Variants in DPYD observed in about 807,000 individuals in gnomAD.
DPYD encodes dihydropyrimidine dehydrogenase [NADP(+)].
A neutral mutation model predicts 116.2 loss-of-function variants in DPYD; 109 were observed. That is an observed-to-expected ratio of 0.94 (90% CI 0.80 to 1.10). The LOEUF is 1.10. DPYD is among the 50% of genes least tolerant of loss of function. The probability of loss-of-function intolerance (pLI) is 0.00; values close to 1 mark genes in which losing one functional copy is unlikely to be tolerated. For synonymous variants in DPYD, 440 were observed against 432.0 expected (o/e 1.02, Z -0.23); for missense variants, 1,302 against 1,254.5 (o/e 1.04, Z -0.57).
chr1:97,872,319 T>A (rs573336309), intron 2 of DPYD, among the ~76,000 whole-genome samples: 70 of 152,072 alleles, frequency 4.6e-4, no homozygotes, highest in Middle Eastern at 3.4e-3. Flanking sequence ...AACCATAAAG[T>A]TGTTTAAAAA....
At chr1:97,152,362 A>G (rs1655086820) in intron 20 of DPYD, among the ~76,000 whole-genome samples, 1 of 152,058 alleles carries the variant, frequency 6.6e-6, no homozygotes, top group East Asian at 1.9e-4. Context: ...CAATGTCAGT[A>G]TTAAATCTAG....
intron 14 of DPYD, among the ~76,000 whole-genome samples, chr1:97,427,417 A>G (rs1208661625): frequency 6.6e-6 from 1 of 152,062 alleles, no homozygotes; most frequent in Non-Finnish European, 1.5e-5. Flanking sequence ...CATACAGGCG[A>G]TAATATAAAA....
intron 13 of DPYD, 46 bp from the exon 14 acceptor site, chr1:97,450,269 G>T (rs760511242): frequency 6.2e-7 from 1 of 1,602,518 alleles, no homozygotes; most frequent in East Asian, 2.2e-5. Flanking sequence ...ACAAAGAAAA[G>T]CTATAATCTT....
At chr1:97,249,013 T>C (rs2100802134) in intron 18 of DPYD, among the ~76,000 whole-genome samples, 1 of 151,812 alleles carries the variant, frequency 6.6e-6, no homozygotes, top group East Asian at 1.9e-4. Flanking sequence ...TGTTAAGATG[T>C]TAAACTTCAC....
intron 14 of DPYD, among the ~76,000 whole-genome samples, chr1:97,438,621 AG>A (rs1675594093): frequency 6.6e-6 from 1 of 152,012 alleles, no homozygotes. Flanking sequence ...AATCTAGGAT[AG>A]GCAAGTTAGG....
chr1:97,423,673 G>A (rs190516160), intron 14 of DPYD, among the ~76,000 whole-genome samples: 12 of 152,166 alleles, frequency 7.9e-5, no homozygotes, highest in Admixed American at 2.0e-4. Flanking sequence ...GTTTGCTCTC[G>A]TCTAAACTGG....
chr1:97,673,021 G>A (rs1342681398), intron 8 of DPYD, among the ~76,000 whole-genome samples: 2 of 151,924 alleles, frequency 1.3e-5, no homozygotes, highest in African/African-American at 4.8e-5. Context: ...CCCTCTTCAA[G>A]AATCTTAAGT....
chr1:97,419,703 T>A (rs1674478474), intron 14 of DPYD, among the ~76,000 whole-genome samples: 1 of 152,158 alleles, frequency 6.6e-6, no homozygotes, highest in South Asian at 2.1e-4. Context: ...AGCATACAGT[T>A]CTGCAACTTG....
chr1:97,192,561 T>C (rs1170278798), intron 20 of DPYD, among the ~76,000 whole-genome samples: 3 of 152,214 alleles, frequency 2.0e-5, no homozygotes, highest in Admixed American at 2.0e-4. Flanking sequence ...AGTGTATATT[T>C]CTTGGAAAAT....
intron 4 of DPYD, 63 bp from the exon 5 acceptor site, chr1:97,721,734 C>T (rs944174134): frequency 4.4e-5 from 65 of 1,475,794 alleles, no homozygotes; most frequent in Middle Eastern, 2.0e-4. Context: ...AGCCAAATTA[C>T]GACAAACATT....
intron 22 of DPYD, among the ~76,000 whole-genome samples, chr1:97,080,366 A>G (rs78233004): frequency 1.3e-3 from 197 of 151,410 alleles, no homozygotes; most frequent in South Asian, 6.0e-3. Context: ...ATATGTGTGT[A>G]TATATATATA....
intron 20 of DPYD, among the ~76,000 whole-genome samples, chr1:97,122,705 C>G (rs1652542802): frequency 6.6e-6 from 1 of 152,120 alleles, no homozygotes; most frequent in Non-Finnish European, 1.5e-5. Context: ...TGATACTAAG[C>G]AAGTCTACTG....
chr1:97,314,490 CT>C (rs66629750), intron 16 of DPYD, among the ~76,000 whole-genome samples: 39,917 of 123,054 alleles, frequency 0.32, 6,113 homozygotes, highest in South Asian at 0.47. Context: ...CTAAAGCTTT[CT>C]TTTTTTTTTT....
chr1:97,225,380 C>T (rs563489112), intron 19 of DPYD, among the ~76,000 whole-genome samples: 12 of 152,014 alleles, frequency 7.9e-5, no homozygotes, highest in African/African-American at 2.6e-4. Context: ...ATATCTGTGC[C>T]ATTTATGTCT....
chr1:97,159,401 T>TA (rs892399865), intron 20 of DPYD, among the ~76,000 whole-genome samples: 1 of 151,928 alleles, frequency 6.6e-6, no homozygotes, highest in South Asian at 2.1e-4. Flanking sequence ...GAGAAACTAT[T>TA]AAAAAAATTA....
intron 12 of DPYD, among the ~76,000 whole-genome samples, chr1:97,531,249 G>C (rs1557777459): frequency 6.6e-6 from 1 of 152,166 alleles, no homozygotes; most frequent in Non-Finnish European, 1.5e-5. Context: ...TAGAGTTGCA[G>C]GTCTTACATT....
At chr1:97,117,407 T>G (rs570484736) in intron 20 of DPYD, among the ~76,000 whole-genome samples, 1 of 152,342 alleles carries the variant, frequency 6.6e-6, no homozygotes, top group Non-Finnish European at 1.5e-5. Context: ...GCTTTTTTAT[T>G]GCTATATAAC....
intron 13 of DPYD, among the ~76,000 whole-genome samples, chr1:97,459,505 GGAA>G (rs1439426770): frequency 2.6e-5 from 4 of 151,806 alleles, no homozygotes; most frequent in African/African-American, 7.3e-5. Context: ...TACAAGAAAG[GGAA>G]GAATTAAAAA....
intron 13 of DPYD, among the ~76,000 whole-genome samples, chr1:97,463,583 AC>A (rs1372058640): frequency 6.6e-6 from 1 of 152,186 alleles, no homozygotes; most frequent in Admixed American, 6.5e-5. Flanking sequence ...AGAGGCTGGA[AC>A]AGTTTGGAGA....
Sources: allele counts gnomAD v4.1 joint callset (sites outside exome capture counted in the v4.1 genomes callset), GRCh38; gene constraint gnomAD v4.1.1; transcripts MANE v1.5; gene names NCBI Gene and HGNC (gene_info 2026-07-23, HGNC 2026-07-21).